The following SETBP1 variants were observed in gnomAD, a reference collection of about 807,000 sequenced individuals.
SETBP1 encodes SET binding protein 1.
SETBP1 carries 9 observed loss-of-function variants against 101.0 expected under a neutral mutation model. The ratio of observed to expected loss-of-function variants is 0.09; its 90% CI spans 0.05 to 0.16. The LOEUF is 0.16. SETBP1 is among the 10% of genes least tolerant of loss of function. The pLI, the probability that SETBP1 is intolerant of heterozygous loss-of-function variation, is 1.00. For synonymous variants in SETBP1, 818 were observed against 788.5 expected, an observed-to-expected ratio of 1.04 and a Z score of -0.63; for missense variants, 1,858 against 2,033.8, an observed-to-expected ratio of 0.91 and a Z score of 1.66.
intron 2 of SETBP1, among the ~76,000 whole-genome samples, chr18:44,715,740 C>T (rs62103411): frequency 1.3e-5 from 2 of 152,168 alleles, no homozygotes; most frequent in Non-Finnish European, 1.5e-5. Flanking sequence ...AACAAACTAT[C>T]GTTGCTAATT....
At chr18:44,936,838 C>G (rs2145023189) in intron 3 of SETBP1, among the ~76,000 whole-genome samples, 1 of 152,148 alleles carries the variant, frequency 6.6e-6, no homozygotes, top group South Asian at 2.1e-4. Flanking sequence ...GTCAGGTAGC[C>G]CCGAGGGAAG....
In SETBP1 at chr18:44,820,069, A is replaced by T. The variant is rs74423860; in HGVS notation, c.487-49161A>T. ...GGCAGCTTTGGGAGACTGGCTGGTT[A>T]TGAGGAGTGGCAGCGCTTGCTGGCA... On this transcript the variant is annotated intron_variant, in intron 2 of 5. Coordinates refer to ENST00000649279, the MANE Select transcript of SETBP1 (RefSeq NM_015559.3). Among the ~76,000 whole-genome samples, 8 of 152,202 alleles carry T rather than the reference A, an allele frequency of 5.3e-5. No individual in the cohort carries two copies. In the East Asian group the frequency reaches 1.5e-3, roughly 29 times the overall value.
intron 2 of SETBP1, among the ~76,000 whole-genome samples, chr18:44,746,177 A>G (rs1457873970): frequency 6.6e-6 from 1 of 152,198 alleles, no homozygotes; most frequent in African/African-American, 2.4e-5. Context: ...GCGTCATAGG[A>G]GAGATGACAG....
intron 2 of SETBP1, among the ~76,000 whole-genome samples, chr18:44,726,620 G>T (rs568925301): frequency 6.6e-6 from 1 of 152,310 alleles, no homozygotes; most frequent in East Asian, 1.9e-4. Flanking sequence ...CCCATTTGCA[G>T]ATTAGAAGTC....
intron 2 of SETBP1, among the ~76,000 whole-genome samples, chr18:44,853,057 C>T (rs1379156752): frequency 6.6e-6 from 1 of 152,138 alleles, no homozygotes; most frequent in Non-Finnish European, 1.5e-5. Flanking sequence ...TAATGTTTGG[C>T]CAAAAGAGTT....
intron 4 of SETBP1, among the ~76,000 whole-genome samples, chr18:44,964,899 C>G (rs2071687994): frequency 6.6e-6 from 1 of 152,176 alleles, no homozygotes; most frequent in Admixed American, 6.5e-5. Flanking sequence ...CTCGTGATAA[C>G]CTTTCCTTCT....
At chr18:44,930,200 G>A (rs2070797313) in intron 3 of SETBP1, among the ~76,000 whole-genome samples, 1 of 152,168 alleles carries the variant, frequency 6.6e-6, no homozygotes, top group African/African-American at 2.4e-5. Context: ...TATTCATGTG[G>A]TTTTTGTCTT....
In SETBP1 at chr18:44,936,294, G is replaced by A. The variant is rs533451549; in HGVS notation, c.541-13587G>A. 2.0e-5 allele frequency among the ~76,000 whole-genome samples: 3 copies of A among 152,262 alleles called. No individual in the cohort carries two copies. The South Asian group carries it at 6.2e-4, about 32-fold the overall frequency. ...TGGGATCCCGGGGCAGCGGGTCCTC[G>A]GCACTTGAACAGTGAAATCTGGAGG... is the stretch of plus-strand genomic sequence containing the variant. On this transcript the variant is annotated intron_variant, in intron 3 of 5. Coordinates refer to ENST00000649279, the MANE Select transcript of SETBP1 (RefSeq NM_015559.3).
chr18:44,937,378 C>T (rs914076597), intron 3 of SETBP1, among the ~76,000 whole-genome samples: 2 of 149,612 alleles, frequency 1.3e-5, no homozygotes, highest in African/African-American at 4.9e-5. Context: ...TGGCGTGAAC[C>T]CGGGAGGCGG....
intron 3 of SETBP1, among the ~76,000 whole-genome samples, chr18:44,927,684 C>G (rs2070735745): frequency 1.3e-5 from 2 of 152,154 alleles, no homozygotes; most frequent in Admixed American, 1.3e-4. Flanking sequence ...GCCTCCTCTT[C>G]AAAGCAGTTA....
At chr18:44,778,659 T>C (rs376921704) in intron 2 of SETBP1, among the ~76,000 whole-genome samples, 48 of 152,370 alleles carry the variant, frequency 3.2e-4, no homozygotes, top group Non-Finnish European at 3.7e-4. Flanking sequence ...TCTAGTACTC[T>C]TCAAAGATTC....
chr18:44,688,546 G>A (rs1481514229), intron 1 of SETBP1, among the ~76,000 whole-genome samples: 2 of 150,554 alleles, frequency 1.3e-5, no homozygotes, highest in African/African-American at 4.9e-5. Context: ...TCCACCTCCT[G>A]GGTTCAAGCA....
intron 2 of SETBP1, among the ~76,000 whole-genome samples, chr18:44,859,898 T>C (rs928068208): frequency 6.6e-6 from 1 of 152,242 alleles, no homozygotes; most frequent in African/African-American, 2.4e-5. Flanking sequence ...CCTGTAATCA[T>C]GATTAATTGC....
intron 4 of SETBP1, among the ~76,000 whole-genome samples, chr18:45,004,362 T>G (rs1321452938): frequency 6.6e-6 from 1 of 152,230 alleles, no homozygotes; most frequent in African/African-American, 2.4e-5. Flanking sequence ...TTGGCCTCAT[T>G]GTACCTTGGG....
chr18:44,888,390 T>A (rs772716936), intron 3 of SETBP1, among the ~76,000 whole-genome samples: 36 of 152,138 alleles, frequency 2.4e-4, no homozygotes, highest in Middle Eastern at 3.4e-3. Flanking sequence ...GGAGGAGCCT[T>A]TTTTCAGGAT....
chr18:44,706,907 A>G (rs566727085), intron 2 of SETBP1, among the ~76,000 whole-genome samples: 3 of 152,314 alleles, frequency 2.0e-5, no homozygotes, highest in Non-Finnish European at 4.4e-5. Flanking sequence ...TACATGATAT[A>G]ACTCAGAGGA....
intron 2 of SETBP1, among the ~76,000 whole-genome samples, chr18:44,802,621 C>G (rs546343169): frequency 2.5e-4 from 38 of 152,212 alleles, no homozygotes; most frequent in Non-Finnish European, 4.4e-4. Context: ...CCTTGTCCCA[C>G]CCATGTGATT....
chr18:44,851,131 T>C (rs2072849670), intron 2 of SETBP1, among the ~76,000 whole-genome samples: 2 of 152,160 alleles, frequency 1.3e-5, no homozygotes, highest in African/African-American at 2.4e-5. Context: ...TCATTATCAT[T>C]ATCATCATCA....
intron 4 of SETBP1, among the ~76,000 whole-genome samples, chr18:44,979,601 T>C (rs2072066717): frequency 6.6e-6 from 1 of 152,194 alleles, no homozygotes; most frequent in South Asian, 2.1e-4. Context: ...GAATCTGAAA[T>C]TTTGAGTCAT....
Sources: allele counts gnomAD v4.1 joint callset (sites outside exome capture counted in the v4.1 genomes callset), GRCh38; gene constraint gnomAD v4.1.1; transcripts MANE v1.5; gene names NCBI Gene and HGNC (gene_info 2026-07-23, HGNC 2026-07-21).